The following NCAPD3 variants were observed in gnomAD, a reference collection of about 807,000 sequenced individuals.
NCAPD3 encodes condensin-2 complex subunit D3.
A neutral mutation model predicts 182.9 loss-of-function variants in NCAPD3; 105 were observed. The observed-to-expected ratio is 0.57, with a 90% CI of 0.49 to 0.68. NCAPD3 has a LOEUF of 0.68. Ranked by LOEUF, NCAPD3 falls within the 30% of genes least tolerant of loss-of-function variation. The pLI is 0.00. For missense variants in NCAPD3, 1,944 were observed against 1,837.0 expected (o/e 1.06, Z -1.07); for synonymous variants, 815 against 679.9 (o/e 1.20, Z -3.09).
At chr11:134,195,003 C>T (rs1944597732) in intron 13 of NCAPD3, among the ~76,000 whole-genome samples, 1 of 152,122 alleles carries the variant, frequency 6.6e-6, no homozygotes, top group Non-Finnish European at 1.5e-5. Context: ...TTATCTCTTC[C>T]ATTTTGTTTA....
At chr11:134,185,859 C>G (rs1408552956) in intron 16 of NCAPD3, 1 of 173,008 alleles carries the variant, frequency 5.8e-6, no homozygotes, top group East Asian at 1.6e-4. Flanking sequence ...GTTACAGATA[C>G]ATCCAGAGCT....
intron 32 of NCAPD3, among the ~76,000 whole-genome samples, chr11:134,154,489 A>AC (rs1943361168): frequency 8.7e-5 from 3 of 34,414 alleles, no homozygotes; most frequent in Non-Finnish European, 1.9e-4. Flanking sequence ...CCCCCCCCCC[A>AC]CCGCCCCATC....
At chr11:134,201,859 T>A (rs1944756250) in intron 13 of NCAPD3, among the ~76,000 whole-genome samples, 2 of 152,252 alleles carry the variant, frequency 1.3e-5, no homozygotes, top group African/African-American at 4.8e-5. Context: ...TCGCTCTGAA[T>A]TGGAGTAATA....
chr11:134,192,775 A>T lies in NCAPD3; in HGVS notation c.1959T>A (p.His653Gln). The T allele has an allele frequency of 6.2e-7, 1 of 1,614,230 alleles. No homozygotes were observed. The highest frequency in any genetic ancestry group is 8.5e-7 in the Non-Finnish European group (1 of 1,180,034). ...LDQLLLQNIR[H>Q]HSHFHSGDDS... is the part of the protein sequence containing the mutation. ...CGTCCCCAGAGTGAAAATGACTGTG[A>T]TGCCGGATGTTCTGCAGCAGCAGCT... The change falls in exon 16 of 35, where the codon CAT becomes CAA. Residue 653 changes from histidine (H) to glutamine (Q), a missense_variant. Transcript: ENST00000534548.
chr11:134,203,981 A>G, intron 10 of NCAPD3, 65 bp downstream of exon 10: 1 of 1,600,348 alleles, frequency 6.2e-7, no homozygotes, highest in Non-Finnish European at 8.5e-7. Context: ...TCAGACCTAG[A>G]AAAAGAGACC....
chr11:134,197,523 C>T (rs1312303940), intron 13 of NCAPD3, among the ~76,000 whole-genome samples: 2 of 152,084 alleles, frequency 1.3e-5, no homozygotes, highest in Non-Finnish European at 1.5e-5. Flanking sequence ...GTAATCCATC[C>T]GCCTTGGCCT....
chr11:134,174,382 C>CAAAAAAAAAAAAAAAAAA (rs34533048), intron 24 of NCAPD3, among the ~76,000 whole-genome samples: 21 of 53,622 alleles, frequency 3.9e-4, no homozygotes, highest in African/African-American at 5.8e-4. Context: ...GACCCTGTCT[C>CAAAAAAAAAAAAAAAAAA]AAAAAAAAAA....
chr11:134,213,839 A>G (rs922443797), intron 3 of NCAPD3, among the ~76,000 whole-genome samples: 5 of 152,208 alleles, frequency 3.3e-5, no homozygotes, highest in East Asian at 1.9e-4. Flanking sequence ...AAACAAGGAC[A>G]TAACATAATA....
At chr11:134,215,142 A>G (rs1937969200) in intron 3 of NCAPD3, among the ~76,000 whole-genome samples, 1 of 152,246 alleles carries the variant, frequency 6.6e-6, no homozygotes, top group Non-Finnish European at 1.5e-5. Flanking sequence ...AAAATCCAAC[A>G]GCCTTTCATA....
chr11:134,156,633 T>A (rs1223597627), intron 32 of NCAPD3, among the ~76,000 whole-genome samples: 1 of 152,166 alleles, frequency 6.6e-6, no homozygotes, highest in African/African-American at 2.4e-5. Flanking sequence ...TACCTGCTGG[T>A]GCTGACGTCT....
chr11:134,164,394 A>T (rs988875757), intron 27 of NCAPD3, among the ~76,000 whole-genome samples: 1 of 152,260 alleles, frequency 6.6e-6, no homozygotes, highest in Non-Finnish European at 1.5e-5. Context: ...GCTCAGGCTC[A>T]TGAGAAATGC....
intron 23 of NCAPD3, 95 bp from the exon 24 acceptor site, chr11:134,176,481 C>A: frequency 1.0e-6 from 1 of 998,820 alleles, no homozygotes; most frequent in South Asian, 1.3e-5. Context: ...GGTCTGTCCC[C>A]GGCACACTGG....
Position 134,153,369 on chromosome 11 carries a change from T to A in NCAPD3, c.4253-6A>T, listed in dbSNP as rs760522711. On this transcript the variant is annotated splice_polypyrimidine_tract_variant and splice_region_variant and intron_variant, in intron 32 of 34. Transcript: ENST00000534548. ...CGTGACATCACTGATGCTCTCTGCA[T>A]AAAGAGGAGACACCACTGAGTGAAA... 26 of 1,613,906 alleles carry A rather than the reference T, an allele frequency of 1.6e-5. No homozygotes were observed. In the East Asian group the frequency reaches 5.1e-4, roughly 32 times the overall value.
chr11:134,169,513 CTT>C (rs1353230381), intron 24 of NCAPD3, among the ~76,000 whole-genome samples: 1 of 152,144 alleles, frequency 6.6e-6, no homozygotes, highest in Non-Finnish European at 1.5e-5. Context: ...GTAACTGGAA[CTT>C]TTTTCAAGAA....
intron 30 of NCAPD3, 106 bp downstream of exon 30, chr11:134,158,223 A>C (rs550041776): frequency 1.3e-6 from 2 of 1,540,026 alleles, no homozygotes; most frequent in African/African-American, 2.7e-5. Flanking sequence ...GTGGCAGGCC[A>C]GACAATGACA....
chr11:134,197,046 A>C (rs1245147435), intron 13 of NCAPD3, among the ~76,000 whole-genome samples: 2 of 151,976 alleles, frequency 1.3e-5, no homozygotes, highest in Non-Finnish European at 1.5e-5. Flanking sequence ...AGCAATACTG[A>C]GTGAGTTCTT....
At chr11:134,159,795 G>T in intron 29 of NCAPD3, 97 bp downstream of exon 29, 1 of 1,325,162 alleles carries the variant, frequency 7.5e-7, no homozygotes, top group African/African-American at 1.5e-5. Context: ...ACTAACCTCT[G>T]ATGACGGAGA....
rs1218938319 is a variant in NCAPD3 at position 134,157,055 on chromosome 11, A to T, written c.4215T>A (p.Ile1405=). 7 of 1,613,686 alleles carry T rather than the reference A, an allele frequency of 4.3e-6. No individual in the cohort carries two copies. The highest frequency in any genetic ancestry group is 5.9e-6 in the Non-Finnish European group (7 of 1,179,876). The change falls in exon 32 of 35, where the codon ATT becomes ATA. Residue 1405 remains isoleucine, a synonymous_variant. Coordinates refer to ENST00000534548, the MANE Select transcript of NCAPD3 (RefSeq NM_015261.3). The part of the protein sequence containing the change: ...YSLEQESNGE[I]EHVTKRAIST... ...TGATGGCCCGCTTGGTCACGTGCTC[A>T]ATCTCGCCATTCGACTCTTGCTCCA...
chr11:134,223,997 G>T (rs915127035), upstream of NCAPD3: 5 of 1,555,284 alleles, frequency 3.2e-6, no homozygotes, highest in African/African-American at 6.8e-5. Flanking sequence ...GCGCCGAGTC[G>T]TTCCTGTGGA....
Sources: gnomAD v4.1 joint callset for allele counts (sites outside exome capture counted in the v4.1 genomes callset) on GRCh38, gnomAD v4.1.1 for gene constraint, MANE v1.5 for transcripts, NCBI Gene and HGNC (gene_info 2026-07-23, HGNC 2026-07-21) for gene names.